The following APP variants were observed in gnomAD, a reference collection of about 807,000 sequenced individuals.
The protein encoded by APP is amyloid beta precursor protein, also known as amyloid-beta precursor protein.
Under a neutral mutation model 101.4 loss-of-function variants are expected in APP, and 31 were observed. That is an observed-to-expected ratio of 0.31 (90% CI 0.23 to 0.41). The LOEUF is 0.41. Among genes scored for constraint, APP ranks in the 10% least tolerant of loss-of-function variants. The probability of loss-of-function intolerance (pLI) is 1.00; values close to 1 mark genes in which losing one functional copy is unlikely to be tolerated. For synonymous variants in APP, 366 were observed against 364.4 expected, an observed-to-expected ratio of 1.00 and a Z score of -0.05; for missense variants, 839 against 1,003.7, an observed-to-expected ratio of 0.84 and a Z score of 2.22.
chr21:26,012,087 G>A (rs1335542999), intron 6 of APP, among the ~76,000 whole-genome samples: 1 of 90,930 alleles, frequency 1.1e-5, no homozygotes, highest in Non-Finnish European at 3.3e-5. Context: ...CTCACTGCAG[G>A]CTTGACCTCA....
chr21:26,087,665 C>G (rs1378935589), intron 3 of APP, among the ~76,000 whole-genome samples: 1 of 152,180 alleles, frequency 6.6e-6, no homozygotes, highest in African/African-American at 2.4e-5. Context: ...CCAGCCTGTG[C>G]TTCACAGCTG....
Position 25,911,774 on chromosome 21 carries a change from C to A in APP, c.1876G>T (p.Ala626Ser). 6.2e-7 allele frequency: 1 copy of A among 1,614,098 alleles called. No homozygotes were observed. Among genetic ancestry groups the A allele is most frequent in the East Asian group, 2.2e-5 (1 of 44,864 alleles). Residue 626 changes from alanine to serine, a missense_variant, in exon 14 of 18, where the codon GCT becomes TCT. Ala to Ser is a moderately conservative substitution (Grantham distance 99). Transcript: ENST00000346798. ...DDLQPWHSFG[A>S]DSVPANTENE... is the part of the protein sequence containing the mutation. ...TCTGTGTTGGCTGGCACAGAGTCAG[C>A]CCCAAAAGAATGCCACGGCTGGAGA...
At chr21:26,048,194 A>G (rs563309058) in intron 5 of APP, among the ~76,000 whole-genome samples, 1 of 152,108 alleles carries the variant, frequency 6.6e-6, no homozygotes, top group South Asian at 2.1e-4. Flanking sequence ...ATGCTGGCAC[A>G]TGTCTGTAAT....
At chr21:25,998,055 T>C (rs1345558261) in intron 7 of APP, among the ~76,000 whole-genome samples, 1 of 152,198 alleles carries the variant, frequency 6.6e-6, no homozygotes. Flanking sequence ...ATGGCAGTAC[T>C]GGGGTGAGGT....
intron 13 of APP, among the ~76,000 whole-genome samples, chr21:25,944,082 T>C (rs2146444688): frequency 6.6e-6 from 1 of 151,496 alleles, no homozygotes; most frequent in South Asian, 2.1e-4. Context: ...TACAAGACAA[T>C]ACAAGTTGTT....
chr21:26,142,859 T>C (rs555172040), intron 1 of APP, among the ~76,000 whole-genome samples: 1 of 152,334 alleles, frequency 6.6e-6, no homozygotes, highest in South Asian at 2.1e-4. Context: ...ACTACCTGTA[T>C]TTCAGAGATA....
At chr21:25,950,374 T>C (rs893754338) in intron 13 of APP, among the ~76,000 whole-genome samples, 1 of 148,068 alleles carries the variant, frequency 6.8e-6, no homozygotes, top group Non-Finnish European at 1.5e-5. Flanking sequence ...AGCAGCTTTT[T>C]TTTTTTCTTT....
intron 1 of APP, among the ~76,000 whole-genome samples, chr21:26,122,592 C>G (rs1436353049): frequency 6.6e-6 from 1 of 152,138 alleles, no homozygotes; most frequent in Non-Finnish European, 1.5e-5. Context: ...CCTGCCGTTA[C>G]CAATGCCAAA....
intron 2 of APP, among the ~76,000 whole-genome samples, chr21:26,108,622 T>A (rs1202017873): frequency 6.6e-6 from 1 of 152,092 alleles, no homozygotes; most frequent in East Asian, 1.9e-4. Flanking sequence ...TGCGGGTGGC[T>A]CACGCCTGTA....
At chr21:26,025,865 A>G (rs772396668) in intron 5 of APP, among the ~76,000 whole-genome samples, 47 of 152,404 alleles carry the variant, frequency 3.1e-4, no homozygotes, top group Admixed American at 2.2e-3. Flanking sequence ...CATGAATTCA[A>G]TTATTCATTT....
At chr21:25,952,148 A>T (rs1056617948) in intron 13 of APP, among the ~76,000 whole-genome samples, 22 of 151,816 alleles carry the variant, frequency 1.4e-4, no homozygotes, top group Admixed American at 1.1e-3. Context: ...TCATTACTTA[A>T]AAAAACCCAA....
intron 9 of APP, among the ~76,000 whole-genome samples, chr21:25,978,630 C>A (rs895137575): frequency 6.6e-6 from 1 of 152,068 alleles, no homozygotes; most frequent in African/African-American, 2.4e-5. Flanking sequence ...GAGAAAGGGG[C>A]GCTCTTAAAA....
At chr21:26,089,381 CA>C (rs1000346355) in intron 3 of APP, 12 of 151,408 alleles carry the variant, frequency 7.9e-5, no homozygotes, top group African/African-American at 2.9e-4. Flanking sequence ...TGTGACAAAA[CA>C]AACATTAAAC....
intron 15 of APP, among the ~76,000 whole-genome samples, chr21:25,903,877 A>C (rs560611532): frequency 6.6e-6 from 1 of 152,326 alleles, no homozygotes; most frequent in African/African-American, 2.4e-5. Flanking sequence ...TGCCACTGTT[A>C]ATCACAGCAT....
chr21:26,073,091 T>C lies in APP; in HGVS notation c.355+16852A>G, dbSNP rs187047722. Among the ~76,000 whole-genome samples, 9 of 152,276 alleles carry C rather than the reference T, an allele frequency of 5.9e-5. No homozygotes were observed. In the East Asian group the frequency reaches 1.7e-3, roughly 29 times the overall value. On this transcript the variant is annotated intron_variant, in intron 3 of 17. Transcript: ENST00000346798. The stretch of plus-strand genomic sequence containing the variant: ...GACATAATGACTCAGGAATCATCAA[T>C]GCAGGCCTCTGAAAAACCACTGCAC...
chr21:25,897,777 A>AAGTT (rs2038177193), intron 15 of APP, 104 bp from the exon 16 acceptor site: 1 of 904,270 alleles, frequency 1.1e-6, no homozygotes, highest in Non-Finnish European at 1.8e-6. Flanking sequence ...TCTAGGCCTG[A>AAGTT]AGTTAGAAGA....
At chr21:25,944,374 T>C (rs1263560763) in intron 13 of APP, among the ~76,000 whole-genome samples, 1 of 152,220 alleles carries the variant, frequency 6.6e-6, no homozygotes, top group Non-Finnish European at 1.5e-5. Context: ...AACCGGTTAA[T>C]AGATGGATCC....
chr21:26,106,650 G>A (rs1455665862), intron 2 of APP, among the ~76,000 whole-genome samples: 1 of 152,166 alleles, frequency 6.6e-6, no homozygotes, highest in Non-Finnish European at 1.5e-5. Flanking sequence ...CCAAAACCTA[G>A]TTCTTAAGAG....
chr21:25,973,561 A>G (rs1409944738), intron 11 of APP, among the ~76,000 whole-genome samples: 1 of 152,190 alleles, frequency 6.6e-6, no homozygotes, highest in African/African-American at 2.4e-5. Context: ...AAACTATACA[A>G]AATAAAAACT....
Sources: allele counts gnomAD v4.1 joint callset (sites outside exome capture counted in the v4.1 genomes callset), GRCh38; gene constraint gnomAD v4.1.1; transcripts MANE v1.5; gene names NCBI Gene and HGNC (gene_info 2026-07-23, HGNC 2026-07-21).